The following MCTP1 variants were observed in gnomAD, a reference collection of about 807,000 sequenced individuals.
The protein encoded by MCTP1 is multiple C2 and transmembrane domain containing 1, also known as multiple C2 and transmembrane domain-containing protein 1.
A neutral mutation model predicts 120.6 loss-of-function variants in MCTP1; 69 were observed. The ratio of observed to expected loss-of-function variants is 0.57; its 90% CI spans 0.47 to 0.70. The LOEUF (loss-of-function observed/expected upper bound fraction) is 0.70, where lower values mean the gene tolerates loss of function less well. Among genes scored for constraint, MCTP1 ranks in the 30% least tolerant of loss-of-function variants. The pLI is 0.00. For synonymous variants in MCTP1, 529 were observed against 493.1 expected, an observed-to-expected ratio of 1.07 and a Z score of -0.96; for missense variants, 1,203 against 1,248.8, an observed-to-expected ratio of 0.96 and a Z score of 0.55.
intron 17 of MCTP1, chr5:94,867,992 A>G: frequency 5.9e-6 from 1 of 170,524 alleles, no homozygotes; most frequent in East Asian, 1.6e-4. Context: ...CGAGATTATT[A>G]CTATTATTAT....
intron 17 of MCTP1, among the ~76,000 whole-genome samples, chr5:94,850,597 A>T (rs1793485792): frequency 6.6e-6 from 1 of 152,172 alleles, no homozygotes; most frequent in South Asian, 2.1e-4. Flanking sequence ...CACACTGCAC[A>T]CTGGGACATG....
intron 12 of MCTP1, among the ~76,000 whole-genome samples, chr5:94,879,971 T>C (rs779695164): frequency 1.3e-5 from 2 of 151,980 alleles, no homozygotes; most frequent in African/African-American, 4.8e-5. Flanking sequence ...TTGAACCATA[T>C]TGATATATGT....
At chr5:95,111,336 TG>T (rs977798408) in intron 1 of MCTP1, among the ~76,000 whole-genome samples, 11 of 152,128 alleles carry the variant, frequency 7.2e-5, no homozygotes, top group Non-Finnish European at 1.5e-4. Flanking sequence ...AGGACTAAAT[TG>T]GGGGAAATTA....
At chr5:94,870,847 C>CA (rs748022580) in intron 15 of MCTP1, 25 bp downstream of exon 15, 13 of 1,516,386 alleles carry the variant, frequency 8.6e-6, no homozygotes, top group Non-Finnish European at 1.1e-5. Context: ...TTTAGCAGTA[C>CA]AAAAAAGCCA....
chr5:95,168,137 A>G (rs1260586542), intron 1 of MCTP1, among the ~76,000 whole-genome samples: 5 of 152,182 alleles, frequency 3.3e-5, no homozygotes, highest in Non-Finnish European at 5.9e-5. Context: ...TCTCAGCACC[A>G]TTTATTAAAT....
At chr5:94,886,765 T>A (rs754794090) in intron 12 of MCTP1, among the ~76,000 whole-genome samples, 1 of 152,150 alleles carries the variant, frequency 6.6e-6, no homozygotes, top group Non-Finnish European at 1.5e-5. Context: ...GAGACGCACA[T>A]CATATCTTTA....
intron 17 of MCTP1, among the ~76,000 whole-genome samples, chr5:94,832,399 C>A (rs1027741): frequency 0.12 from 18,848 of 152,122 alleles, 1,876 homozygotes; most frequent in African/African-American, 0.26. Context: ...AAGACCCAAG[C>A]TTTCAAAGCT....
chr5:95,140,596 C>T (rs961306687), intron 1 of MCTP1, among the ~76,000 whole-genome samples: 2 of 150,096 alleles, frequency 1.3e-5, no homozygotes, highest in East Asian at 2.0e-4. Context: ...CGATGGCTCA[C>T]GCCTGTAATC....
At chr5:94,887,118 G>A (rs1223409122) in intron 12 of MCTP1, among the ~76,000 whole-genome samples, 1 of 152,110 alleles carries the variant, frequency 6.6e-6, no homozygotes, top group Non-Finnish European at 1.5e-5. Flanking sequence ...TAAGGTCAGC[G>A]TGAAATGGGG....
intron 19 of MCTP1, among the ~76,000 whole-genome samples, chr5:94,733,795 C>G (rs1763601512): frequency 6.6e-6 from 1 of 151,990 alleles, no homozygotes; most frequent in Non-Finnish European, 1.5e-5. Flanking sequence ...GAAACCCCGT[C>G]TCTACTAAAA....
At chr5:94,851,356 A>G (rs1793657573) in intron 17 of MCTP1, among the ~76,000 whole-genome samples, 1 of 152,100 alleles carries the variant, frequency 6.6e-6, no homozygotes, top group South Asian at 2.1e-4. Context: ...ATCACTGCAC[A>G]TGCCACAAAT....
At chr5:94,783,176 C>T (rs895889148) in intron 18 of MCTP1, among the ~76,000 whole-genome samples, 3 of 152,078 alleles carry the variant, frequency 2.0e-5, no homozygotes, top group African/African-American at 7.2e-5. Context: ...TAAAAAAACA[C>T]ACATAGACAG....
chr5:94,765,424 G>A (rs1466038054), intron 19 of MCTP1, among the ~76,000 whole-genome samples: 1 of 152,200 alleles, frequency 6.6e-6, no homozygotes, highest in Non-Finnish European at 1.5e-5. Context: ...AATAGACTGA[G>A]TCTGGTTGCT....
At chr5:95,255,533 C>A (rs1477374949) in intron 1 of MCTP1, among the ~76,000 whole-genome samples, 3 of 152,006 alleles carry the variant, frequency 2.0e-5, no homozygotes, top group Non-Finnish European at 2.9e-5. Flanking sequence ...CAGGATGGTA[C>A]CCCTGGTGCA....
intron 2 of MCTP1, among the ~76,000 whole-genome samples, chr5:95,015,322 A>G (rs376505911): frequency 5.3e-5 from 8 of 152,028 alleles, no homozygotes; most frequent in African/African-American, 1.7e-4. Flanking sequence ...AGATGAGATT[A>G]TTGTTATGGG....
At chr5:94,913,170 A>C (rs1357427655) in intron 8 of MCTP1, among the ~76,000 whole-genome samples, 194 bp from the exon 9 acceptor site, 2 of 152,058 alleles carry the variant, frequency 1.3e-5, no homozygotes. Flanking sequence ...TTTCATGATA[A>C]ATTCGTTGTG....
intron 2 of MCTP1, among the ~76,000 whole-genome samples, chr5:95,007,199 G>A (rs372761489): frequency 1.8e-4 from 27 of 152,128 alleles, no homozygotes; most frequent in East Asian, 9.6e-4. Context: ...GAGGGTAATC[G>A]CCCCCACAAT....
chr5:95,196,959 G>C (rs1336742739), intron 1 of MCTP1, among the ~76,000 whole-genome samples: 1 of 152,138 alleles, frequency 6.6e-6, no homozygotes, highest in Non-Finnish European at 1.5e-5. Context: ...AAAATTAAGA[G>C]TATTAAACCA....
At position 95,048,171 on chromosome 5, in the gene MCTP1, G is replaced by A. The variant is rs557023217; in HGVS notation, c.721-30687C>T. 8.5e-5 allele frequency among the ~76,000 whole-genome samples: 13 copies of A among 152,264 alleles called. No homozygotes were observed. In the South Asian group the frequency reaches 1.9e-3, roughly 22 times the overall value. ...TTTTTAAAAATTAGATTATTTAGGA[G>A]TCAGAATGTAATTTACTGATGTCTT... On this transcript the variant is annotated intron_variant, in intron 1 of 22. Coordinates refer to ENST00000515393, the MANE Select transcript of MCTP1 (RefSeq NM_024717.7).
Sources: gnomAD v4.1 joint callset for allele counts (sites outside exome capture counted in the v4.1 genomes callset) on GRCh38, gnomAD v4.1.1 for gene constraint, MANE v1.5 for transcripts, NCBI Gene and HGNC (gene_info 2026-07-23, HGNC 2026-07-21) for gene names.